Variants in FRMD4A observed in about 807,000 individuals in gnomAD.
FRMD4A encodes FERM domain-containing protein 4A.
FRMD4A carries 29 observed loss-of-function variants against 129.1 expected under a neutral mutation model. The observed-to-expected ratio is 0.22, with a 90% confidence interval of 0.17 to 0.31. The LOEUF (loss-of-function observed/expected upper bound fraction) is 0.31, where lower values mean the gene tolerates loss of function less well. Ranked by LOEUF, FRMD4A falls within the 10% of genes least tolerant of loss-of-function variation. The pLI is 1.00. For missense variants in FRMD4A, 1,272 were observed against 1,375.8 expected, an observed-to-expected ratio of 0.92 and a Z score of 1.19; for synonymous variants, 634 against 571.6, an observed-to-expected ratio of 1.11 and a Z score of -1.56.
intron 2 of FRMD4A, among the ~76,000 whole-genome samples, chr10:14,205,928 C>A (rs1013108942): frequency 6.6e-6 from 1 of 152,018 alleles, no homozygotes; most frequent in African/African-American, 2.4e-5. Flanking sequence ...CTCTCAAGGT[C>A]CCCTTCTCGT....
chr10:14,001,280 C>T (rs1159992267), intron 2 of FRMD4A, among the ~76,000 whole-genome samples: 4 of 152,138 alleles, frequency 2.6e-5, no homozygotes, highest in Admixed American at 6.5e-5. Context: ...TCCAATGCAA[C>T]ACCAAAGTTG....
chr10:13,987,266 G>A (rs2095585018), intron 2 of FRMD4A, among the ~76,000 whole-genome samples: 1 of 152,132 alleles, frequency 6.6e-6, no homozygotes, highest in Non-Finnish European at 1.5e-5. Context: ...GCCCATGGAA[G>A]GAGTTAATAA....
intron 2 of FRMD4A, among the ~76,000 whole-genome samples, chr10:13,911,904 G>A (rs1279588492): frequency 6.6e-6 from 1 of 152,114 alleles, no homozygotes; most frequent in Non-Finnish European, 1.5e-5. Flanking sequence ...AGCATACAAA[G>A]CAAAGAGAAA....
chr10:14,036,566 T>C (rs780668701), intron 2 of FRMD4A, among the ~76,000 whole-genome samples: 6 of 152,208 alleles, frequency 3.9e-5, no homozygotes, highest in Non-Finnish European at 7.3e-5. Flanking sequence ...CTTCCTACCA[T>C]GACGGAATCA....
chr10:14,010,068 T>C (rs758175351), intron 2 of FRMD4A, among the ~76,000 whole-genome samples: 6 of 151,968 alleles, frequency 3.9e-5, no homozygotes, highest in African/African-American at 1.5e-4. Context: ...CAGAACACTT[T>C]ATCTGTTGAG....
At chr10:13,668,131 G>T (rs372319376) in intron 17 of FRMD4A, 2 of 152,270 alleles carry the variant, frequency 1.3e-5, no homozygotes, top group East Asian at 3.8e-4. Context: ...GGAACAAGAA[G>T]CGAGAGGAAA....
intron 2 of FRMD4A, among the ~76,000 whole-genome samples, chr10:14,285,897 TG>T (rs1845665774): frequency 2.0e-5 from 3 of 152,348 alleles, no homozygotes; most frequent in African/African-American, 7.2e-5. Context: ...GATGATGTTT[TG>T]GGCTGAACAG....
At chr10:14,137,610 G>A (rs937081187) in intron 2 of FRMD4A, among the ~76,000 whole-genome samples, 3 of 152,130 alleles carry the variant, frequency 2.0e-5, no homozygotes, top group Non-Finnish European at 4.4e-5. Flanking sequence ...TTCATGCTAC[G>A]TAGCCCAGGA....
At chr10:13,862,929 TTC>T (rs1215749612) in intron 2 of FRMD4A, among the ~76,000 whole-genome samples, 4 of 139,126 alleles carry the variant, frequency 2.9e-5, no homozygotes, top group Admixed American at 2.3e-4. Context: ...CCTTGTTTTG[TTC>T]TGTTTTGTTT....
chr10:13,802,163 A>G (rs11591466), intron 4 of FRMD4A, among the ~76,000 whole-genome samples: 11,142 of 152,264 alleles, frequency 0.073, 496 homozygotes, highest in African/African-American at 0.12. Flanking sequence ...AATTGCTTCC[A>G]GGCAATAGAA....
At chr10:13,992,989 T>C (rs1406367409) in intron 2 of FRMD4A, among the ~76,000 whole-genome samples, 2 of 145,018 alleles carry the variant, frequency 1.4e-5, no homozygotes, top group Non-Finnish European at 3.0e-5. Flanking sequence ...GGATTTAGTG[T>C]AAAGAGATTA....
intron 2 of FRMD4A, among the ~76,000 whole-genome samples, chr10:13,956,442 A>G (rs1045388563): frequency 6.6e-6 from 1 of 152,206 alleles, no homozygotes; most frequent in African/African-American, 2.4e-5. Context: ...ATGAGCCACT[A>G]TGTCCAGCCT....
At chr10:13,977,895 T>C (rs925035239) in intron 2 of FRMD4A, among the ~76,000 whole-genome samples, 3 of 152,242 alleles carry the variant, frequency 2.0e-5, no homozygotes, top group Non-Finnish European at 1.5e-5. Flanking sequence ...CATGCATCAG[T>C]TGATGGACAT....
chr10:14,091,346 GA>G (rs1836650607), intron 2 of FRMD4A, among the ~76,000 whole-genome samples: 1 of 152,030 alleles, frequency 6.6e-6, no homozygotes, highest in Admixed American at 6.6e-5. Flanking sequence ...ATAGCTGCAG[GA>G]AAAAATTGCG....
chr10:13,867,698 TATATAATAA>T, intron 2 of FRMD4A, among the ~76,000 whole-genome samples: 1 of 4,394 alleles, frequency 2.3e-4, no homozygotes, highest in Non-Finnish European at 1.5e-3. Flanking sequence ...TATAATATAA[TATATAATAA>T]ATAACATATA....
chr10:14,232,159 T>C (rs1037029258), intron 2 of FRMD4A, among the ~76,000 whole-genome samples: 1 of 152,248 alleles, frequency 6.6e-6, no homozygotes, highest in African/African-American at 2.4e-5. Context: ...GCTAGCCAGT[T>C]ATCCCAGCAC....
intron 2 of FRMD4A, among the ~76,000 whole-genome samples, chr10:14,300,390 A>G (rs553927755): frequency 6.6e-6 from 1 of 152,298 alleles, no homozygotes; most frequent in South Asian, 2.1e-4. Flanking sequence ...CCAAGGTCAC[A>G]TAAGTGGTTT....
chr10:13,796,474 T>A (rs1267782049), intron 5 of FRMD4A, 22 bp downstream of exon 5: 1 of 1,166,200 alleles, frequency 8.6e-7, no homozygotes, highest in Non-Finnish European at 1.3e-6. Context: ...GAAGCAAAAG[T>A]ATAGACACCA....
chr10:13,838,991 CTTT>C (rs373871027), intron 3 of FRMD4A, among the ~76,000 whole-genome samples: 23 of 95,696 alleles, frequency 2.4e-4, no homozygotes, highest in African/African-American at 9.6e-4. Flanking sequence ...GAATAATTTC[CTTT>C]TTTTTTTTTT....
Sources: allele counts gnomAD v4.1 joint callset (sites outside exome capture counted in the v4.1 genomes callset), GRCh38; gene constraint gnomAD v4.1.1; transcripts MANE v1.5; gene names NCBI Gene and HGNC (gene_info 2026-07-23, HGNC 2026-07-21).